Variants in TRIM44 observed in about 807,000 individuals in gnomAD.
The protein encoded by TRIM44 is tripartite motif-containing protein 44.
A neutral mutation model predicts 37.4 loss-of-function variants in TRIM44; 13 were observed. That is an observed-to-expected ratio of 0.35 (90% CI 0.23 to 0.55). The LOEUF is 0.55. TRIM44 is among the 20% of genes least tolerant of loss of function. The pLI is 0.89. For missense variants in TRIM44, 426 were observed against 437.2 expected, an observed-to-expected ratio of 0.97 and a Z score of 0.23; for synonymous variants, 175 against 157.2, an observed-to-expected ratio of 1.11 and a Z score of -0.85.
chr11:35,778,437 A>G (rs570283283), intron 4 of TRIM44, among the ~76,000 whole-genome samples: 7 of 152,288 alleles, frequency 4.6e-5, no homozygotes, highest in East Asian at 1.9e-4. Context: ...GTTATTACCA[A>G]TCGTCTGAAG....
At chr11:35,774,131 G>C (rs574435926) in intron 4 of TRIM44, among the ~76,000 whole-genome samples, 106 of 152,174 alleles carry the variant, frequency 7.0e-4, no homozygotes, top group Admixed American at 1.3e-3. Context: ...TCTCCAGCAC[G>C]TGTTGTTTCC....
chr11:35,771,638 T>A (rs998479971), intron 4 of TRIM44, among the ~76,000 whole-genome samples: 1 of 151,066 alleles, frequency 6.6e-6, no homozygotes, highest in African/African-American at 2.4e-5. Context: ...AGCAAGAGAA[T>A]CGCTTGAAGG....
rs1348336910 is a variant in TRIM44, at chr11:35,814,996, C to T, written c.*8611C>T. 1 of 152,116 alleles carries T rather than the reference C, an allele frequency of 6.6e-6. No individual in the cohort carries two copies. The highest frequency in any genetic ancestry group is 6.6e-5 in the Admixed American group (1 of 15,266). The allele number at this position is 152,116 out of a possible 1,614,324, so 9.4% of individuals were successfully genotyped here. On this transcript the variant is annotated 3_prime_UTR_variant, in exon 5 of 5. Coordinates refer to ENST00000299413, the MANE Select transcript of TRIM44 (RefSeq NM_017583.6). ...CTGGGCACTGCTCAGCTTGAGGAGG[C>T]AGGCATTGCTCCTTCATATTTCAGG...
intron 4 of TRIM44, among the ~76,000 whole-genome samples, chr11:35,755,447 T>G (rs1412884097): frequency 6.6e-6 from 1 of 152,166 alleles, no homozygotes; most frequent in Non-Finnish European, 1.5e-5. Context: ...TCTCCCATTC[T>G]GTAGGTTGCC....
intron 4 of TRIM44, among the ~76,000 whole-genome samples, chr11:35,766,173 C>A (rs749477072): frequency 6.6e-6 from 1 of 152,202 alleles, no homozygotes; most frequent in Non-Finnish European, 1.5e-5. Context: ...GCACTGGCAT[C>A]ACTTTGGCCC....
chr11:35,708,649 A>G (rs1317129351), intron 2 of TRIM44, among the ~76,000 whole-genome samples: 2 of 151,628 alleles, frequency 1.3e-5, no homozygotes, highest in Non-Finnish European at 2.9e-5. Flanking sequence ...TTCTCAGTAA[A>G]CTATCGTAAG....
chr11:35,751,985 G>C (rs529164938), intron 4 of TRIM44, among the ~76,000 whole-genome samples: 1 of 152,314 alleles, frequency 6.6e-6, no homozygotes, highest in African/African-American at 2.4e-5. Context: ...GTTAGAGTAA[G>C]ACCTTCCTGT....
intron 3 of TRIM44, among the ~76,000 whole-genome samples, chr11:35,726,835 T>G (rs1705666677): frequency 6.6e-6 from 1 of 151,564 alleles, no homozygotes; most frequent in Non-Finnish European, 1.5e-5. Context: ...TGAATCTACT[T>G]TGAAAAAATT....
At chr11:35,732,616 C>T (rs948641533) in intron 3 of TRIM44, among the ~76,000 whole-genome samples, 1 of 152,144 alleles carries the variant, frequency 6.6e-6, no homozygotes, top group African/African-American at 2.4e-5. Flanking sequence ...CAGTTTTCTT[C>T]TCTAAGTACT....
chr11:35,728,745 A>AT (rs1474486726), intron 3 of TRIM44, among the ~76,000 whole-genome samples: 1 of 152,156 alleles, frequency 6.6e-6, no homozygotes, highest in Non-Finnish European at 1.5e-5. Context: ...TTATTATAAA[A>AT]TTTTTTAAAC....
chr11:35,701,564 A>G (rs998592953), intron 2 of TRIM44, among the ~76,000 whole-genome samples: 1 of 152,148 alleles, frequency 6.6e-6, no homozygotes, highest in Non-Finnish European at 1.5e-5. Flanking sequence ...CCCTGAACCC[A>G]GGCTGCCATT....
At chr11:35,688,020 T>C (rs1358798542) in intron 2 of TRIM44, among the ~76,000 whole-genome samples, 5 of 152,196 alleles carry the variant, frequency 3.3e-5, no homozygotes, top group Admixed American at 3.3e-4. Flanking sequence ...CTTAAATATA[T>C]AATTTCTGCA....
intron 4 of TRIM44, among the ~76,000 whole-genome samples, chr11:35,794,529 C>T (rs958736901): frequency 6.6e-6 from 1 of 152,232 alleles, no homozygotes; most frequent in South Asian, 2.1e-4. Context: ...ATCCTTTACT[C>T]ATACGGCTTC....
At chr11:35,787,029 T>C (rs1414973040) in intron 4 of TRIM44, among the ~76,000 whole-genome samples, 1 of 152,220 alleles carries the variant, frequency 6.6e-6, no homozygotes, top group East Asian at 1.9e-4. Context: ...TAATGGTTGC[T>C]TGACACTAGA....
At chr11:35,727,016 A>G (rs536419468) in intron 3 of TRIM44, among the ~76,000 whole-genome samples, 1 of 152,110 alleles carries the variant, frequency 6.6e-6, no homozygotes, top group Admixed American at 6.5e-5. Flanking sequence ...ATAAAAAAGT[A>G]GCAGACATGG....
chr11:35,768,040 T>C (rs1852819825), intron 4 of TRIM44, among the ~76,000 whole-genome samples: 1 of 152,140 alleles, frequency 6.6e-6, no homozygotes, highest in South Asian at 2.1e-4. Flanking sequence ...CTGAATCACA[T>C]AGAGGGACCT....
At chr11:35,706,014 G>C (rs998202178) in intron 2 of TRIM44, among the ~76,000 whole-genome samples, 1 of 148,666 alleles carries the variant, frequency 6.7e-6, no homozygotes, top group Non-Finnish European at 1.5e-5. Context: ...TAGACTGCTA[G>C]CAAGACTAAT....
chr11:35,708,900 TTAAAA>T lies in TRIM44; in HGVS notation c.748-17021_748-17017del, dbSNP rs995110902. On this transcript the variant is annotated intron_variant, in intron 2 of 4. Transcript: ENST00000299413. ...ACATTGTGCACATGTACCCTAAAAC[TTAAAA>T]TATAATAATAATAAAAAATAAATAA... Among the ~76,000 whole-genome samples the T allele has an allele frequency of 1.3e-4, 20 of 151,422 alleles. No individual in the cohort carries two copies. In the South Asian group the frequency reaches 2.9e-3, roughly 22 times the overall value.
intron 4 of TRIM44, among the ~76,000 whole-genome samples, chr11:35,755,400 A>G (rs1370967472): frequency 6.6e-6 from 1 of 152,188 alleles, no homozygotes; most frequent in African/African-American, 2.4e-5. Context: ...GATTCTGGAT[A>G]TTAGCCCTTT....
Sources: gnomAD v4.1 joint callset for allele counts (sites outside exome capture counted in the v4.1 genomes callset) on GRCh38, gnomAD v4.1.1 for gene constraint, MANE v1.5 for transcripts, NCBI Gene and HGNC (gene_info 2026-07-23, HGNC 2026-07-21) for gene names.